TMEM170B: variants seen among roughly 807,000 people sequenced by gnomAD.
TMEM170B encodes the protein transmembrane protein 170B.
TMEM170B carries 6 observed loss-of-function variants against 13.0 expected under a neutral mutation model. The observed-to-expected ratio is 0.46, with a 90% confidence interval of 0.25 to 0.91. The LOEUF (loss-of-function observed/expected upper bound fraction) is 0.91, where lower values mean the gene tolerates loss of function less well. TMEM170B is among the 40% of genes least tolerant of loss of function. The pLI is 0.17. For missense variants in TMEM170B, 138 were observed against 165.2 expected (o/e 0.84, Z 0.90); for synonymous variants, 61 against 64.9 (o/e 0.94, Z 0.29).
At chr6:11,571,298 AACTCAGCCTCC>A (rs746955928) in intron 2 of TMEM170B, among the ~76,000 whole-genome samples, 15 of 151,754 alleles carry the variant, frequency 9.9e-5, no homozygotes, top group Non-Finnish European at 1.9e-4. Flanking sequence ...TGATCCTCCC[AACTCAGCCTCC>A]TGAGTCGCTA....
rs774725202 is a variant in TMEM170B, at chr6:11,575,468, G to A, written c.306G>A (p.Lys102=). ...AVAGIYRVAG[K]NMAPLEALVW... ...CGGGCATTTACAGAGTAGCTGGGAA[G>A]AACATGGCCCCTTTGGAAGCGCTGG... Residue 102 remains lysine (K), a synonymous_variant, in exon 3 of 3, where the codon AAG becomes AAA. Coordinates refer to ENST00000379426, the MANE Select transcript of TMEM170B (RefSeq NM_001100829.3). The surrounding 1 kb of genome is among the most constrained non-coding windows in gnomAD (Gnocchi z 4.1). 1.2e-6 allele frequency: 2 copies of A among 1,613,408 alleles called. No homozygotes were observed. The highest frequency in any genetic ancestry group is 2.7e-5 in the African/African-American group (2 of 74,884).
In TMEM170B at chr6:11,577,525, T is replaced by C. The variant is rs989452446; in HGVS notation, c.*1964T>C. ...CGTATTCTTCCAGAGGAATTACCAA[T>C]AGCATGTGGAAATTGTTTCAGATCT... On this transcript the variant is annotated 3_prime_UTR_variant, in exon 3 of 3. Coordinates refer to ENST00000379426, the MANE Select transcript of TMEM170B (RefSeq NM_001100829.3). 2.6e-5 allele frequency: 4 copies of C among 152,118 alleles called. No individual in the cohort carries two copies. Among genetic ancestry groups the C allele is most frequent in the African/African-American group, 4.8e-5 (2 of 41,458 alleles). 9.4% of individuals were successfully genotyped at this position (152,118 alleles called of 1,614,324 possible).
At position 11,537,858 on chromosome 6, in the gene TMEM170B, G is replaced by C. The variant is rs1456795048; in HGVS notation, c.-420G>C. Among the ~76,000 whole-genome samples the C allele has an allele frequency of 6.6e-6, 1 of 151,724 alleles. No individual in the cohort carries two copies. The highest frequency in any genetic ancestry group is 2.4e-5 in the African/African-American group (1 of 41,372). On this transcript the variant is annotated 5_prime_UTR_variant, in exon 1 of 3. Transcript: ENST00000379426. ...GGCGGCGATGAGCTGGGCCCTGTCG[G>C]GGGCTGCACCTGCCGGCTGCCCATC...
chr6:11,546,595 A>G (rs906890754), intron 1 of TMEM170B, among the ~76,000 whole-genome samples: 5 of 152,090 alleles, frequency 3.3e-5, no homozygotes, highest in African/African-American at 1.2e-4. Context: ...ACAGATATTC[A>G]TTTTTTAATC....
rs994533445 is a variant in TMEM170B, at chr6:11,580,967, G to C, written c.*5406G>C. The C allele has an allele frequency of 6.6e-6, 1 of 152,188 alleles. No homozygotes were observed. The highest frequency in any genetic ancestry group is 1.5e-5 in the Non-Finnish European group (1 of 68,030). The allele number at this position is 152,188 out of a possible 1,614,324, so 9.4% of individuals were successfully genotyped here. A position where few individuals can be genotyped will look rare whatever the true frequency, so the allele number is the denominator to read the frequency against. ...CTTCTCACTTAAGGAGCTCTGGTCT[G>C]TGTAGGCAGTACAGTGTTGTTAGGG... On this transcript the variant is annotated 3_prime_UTR_variant, in exon 3 of 3. Coordinates refer to ENST00000379426, the MANE Select transcript of TMEM170B (RefSeq NM_001100829.3).
At chr6:11,557,558 C>T (rs1381829792) in intron 1 of TMEM170B, among the ~76,000 whole-genome samples, 1 of 152,172 alleles carries the variant, frequency 6.6e-6, no homozygotes, top group African/African-American at 2.4e-5. Flanking sequence ...ATTTTTAGAA[C>T]ATGGTCAGTA....
chr6:11,538,234 C>T lies in TMEM170B; in HGVS notation c.-44C>T. 4 of 1,149,634 alleles carry T rather than the reference C, an allele frequency of 3.5e-6. No homozygotes were observed. The highest frequency in any genetic ancestry group is 1.1e-6 in the Non-Finnish European group (1 of 915,490). 71.2% of individuals were successfully genotyped at this position (1,149,634 alleles called of 1,614,324 possible). A position where few individuals can be genotyped will look rare whatever the true frequency, so the allele number is the denominator to read the frequency against. On this transcript the variant is annotated 5_prime_UTR_variant, in exon 1 of 3. Transcript: ENST00000379426. ...CCCCGAGCCTCGCAGCCGCCGCCGCCGCCCGGCACCCGAGGAGAGGGCGGC... is the reference window on the plus strand; with the variant it reads ...CCCCGAGCCTCGCAGCCGCCGCCGCTGCCCGGCACCCGAGGAGAGGGCGGC...
intron 2 of TMEM170B, among the ~76,000 whole-genome samples, chr6:11,572,738 A>T (rs1561689672): frequency 6.6e-6 from 1 of 152,130 alleles, no homozygotes; most frequent in Non-Finnish European, 1.5e-5. Context: ...TCAGTTTGGT[A>T]TGTATCCGCC....
In TMEM170B at chr6:11,538,202, C is replaced by T; in HGVS notation, c.-76C>T. 1.5e-6 allele frequency: 1 copy of T among 655,526 alleles called. No homozygotes were observed. Among genetic ancestry groups the T allele is most frequent in the Non-Finnish European group, 2.0e-6 (1 of 498,178 alleles). 40.6% of individuals were successfully genotyped at this position (655,526 alleles called of 1,614,324 possible). On this transcript the variant is annotated 5_prime_UTR_variant, in exon 1 of 3. Coordinates refer to ENST00000379426, the MANE Select transcript of TMEM170B (RefSeq NM_001100829.3). ...CGGCCTGGAGGAGCCGCGCACCCGC[C>T]GCCGCCCCCCGAGCCTCGCAGCCGC...
chr6:11,565,147 A>G (rs1759717929), intron 1 of TMEM170B, among the ~76,000 whole-genome samples: 2 of 152,214 alleles, frequency 1.3e-5, no homozygotes, highest in South Asian at 4.1e-4. Context: ...GAGGCAAATA[A>G]TTTATCTGAC....
At chr6:11,549,276 T>C (rs903580885) in intron 1 of TMEM170B, among the ~76,000 whole-genome samples, 2 of 152,090 alleles carry the variant, frequency 1.3e-5, no homozygotes, top group Admixed American at 1.3e-4. Flanking sequence ...ATATGTGATA[T>C]CAGGTGTGAT....
rs1266460289 is a variant in TMEM170B at position 11,575,617 on chromosome 6, A to G, written c.*56A>G. 6 of 1,595,480 alleles carry G rather than the reference A, an allele frequency of 3.8e-6. No individual in the cohort carries two copies. The highest frequency in any genetic ancestry group is 5.1e-6 in the Non-Finnish European group (6 of 1,166,192). ...AGGAAACAGATGTACAGATTCCCTG[A>G]AAACGGCATTGTTAACAAGTGGAAA... is the stretch of plus-strand genomic sequence containing the variant. On this transcript the variant is annotated 3_prime_UTR_variant, in exon 3 of 3. Transcript: ENST00000379426. This position sits in a 1 kb window ranked among gnomAD's most constrained non-coding sequence, Gnocchi z 4.1.
chr6:11,565,638 A>G (rs1323753924), intron 1 of TMEM170B, 28 bp from the exon 2 acceptor site: 1 of 1,610,766 alleles, frequency 6.2e-7, no homozygotes, highest in East Asian at 2.2e-5. Flanking sequence ...GTTTCAACAG[A>G]TGATTAATAC....
intron 2 of TMEM170B, among the ~76,000 whole-genome samples, chr6:11,568,400 C>G (rs1357080106): frequency 6.6e-6 from 1 of 151,694 alleles, no homozygotes; most frequent in Non-Finnish European, 1.5e-5. Context: ...GAAGAAGGAG[C>G]AGCTTGTTTG....
chr6:11,558,471 T>A (rs533172252), intron 1 of TMEM170B, among the ~76,000 whole-genome samples: 1 of 152,176 alleles, frequency 6.6e-6, no homozygotes. Context: ...AACGTTTAAA[T>A]TTGGGCAACT....
intron 1 of TMEM170B, among the ~76,000 whole-genome samples, chr6:11,564,230 G>A (rs1759707080): frequency 6.6e-6 from 1 of 152,152 alleles, no homozygotes; most frequent in Non-Finnish European, 1.5e-5. Context: ...TCTGCTTTTA[G>A]TTCTTTTGGG....
rs1420150883 is a variant in TMEM170B at position 11,581,488 on chromosome 6, T to G, written c.*5927T>G. On this transcript the variant is annotated 3_prime_UTR_variant, in exon 3 of 3. Transcript: ENST00000379426. Reference sequence around the variant, plus strand: ...TACTGCACCCACATGTATCTACTCTTGGTAGTAACATGACTCCACCCTTTT... The same window carrying G: ...TACTGCACCCACATGTATCTACTCTGGGTAGTAACATGACTCCACCCTTTT... 1.3e-5 allele frequency: 2 copies of G among 152,230 alleles called. No homozygotes were observed. Among genetic ancestry groups the G allele is most frequent in the Non-Finnish European group, 2.9e-5 (2 of 68,040 alleles). The allele number at this position is 152,230 out of a possible 1,614,324, so 9.4% of individuals were successfully genotyped here. A position where few individuals can be genotyped will look rare whatever the true frequency, so the allele number is the denominator to read the frequency against.
intron 1 of TMEM170B, among the ~76,000 whole-genome samples, chr6:11,552,474 GA>G (rs1483332802): frequency 1.3e-5 from 2 of 152,194 alleles, no homozygotes; most frequent in Non-Finnish European, 2.9e-5. Flanking sequence ...CTAAATAGTA[GA>G]AAGGATAGTT....
chr6:11,579,241 C>T lies in TMEM170B; in HGVS notation c.*3680C>T, dbSNP rs1285701417. On this transcript the variant is annotated 3_prime_UTR_variant, in exon 3 of 3. Coordinates refer to ENST00000379426, the MANE Select transcript of TMEM170B (RefSeq NM_001100829.3). ...GTGAAGAGAATACGAGACTCCAAGCCAGCAACACAGATTGAATTAAGACTC... is the reference window on the plus strand; with the variant it reads ...GTGAAGAGAATACGAGACTCCAAGCTAGCAACACAGATTGAATTAAGACTC... 1 of 152,122 alleles carries T rather than the reference C, an allele frequency of 6.6e-6. No individual in the cohort carries two copies. The highest frequency in any genetic ancestry group is 1.5e-5 in the Non-Finnish European group (1 of 68,016). 9.4% of individuals were successfully genotyped at this position (152,122 alleles called of 1,614,324 possible).
Sources: allele counts gnomAD v4.1 joint callset (sites outside exome capture counted in the v4.1 genomes callset), GRCh38; gene constraint gnomAD v4.1.1; non-coding constraint Gnocchi (gnomAD v3.1); transcripts MANE v1.5; gene names NCBI Gene and HGNC (gene_info 2026-07-23, HGNC 2026-07-21).